Variants in MDN1 observed in about 807,000 individuals in gnomAD.
MDN1 encodes midasin.
Under a neutral mutation model 669.2 loss-of-function variants are expected in MDN1, and 266 were observed. That is an observed-to-expected ratio of 0.40 (90% confidence interval 0.36 to 0.44). The LOEUF (loss-of-function observed/expected upper bound fraction) is 0.44. Ranked by LOEUF, MDN1 falls within the 20% of genes least tolerant of loss-of-function variation. The pLI is 1.00. For missense variants in MDN1, 5,940 were observed against 6,754.0 expected, an observed-to-expected ratio of 0.88 and a Z score of 4.22; for synonymous variants, 2,385 against 2,457.1, an observed-to-expected ratio of 0.97 and a Z score of 0.87.
At chr6:89,725,093 G>A (rs1584271081) in intron 38 of MDN1, 106 bp downstream of exon 38, 1 of 1,009,606 alleles carries the variant, frequency 9.9e-7, no homozygotes, top group East Asian at 2.4e-5. Flanking sequence ...GGATCATTAA[G>A]CTGATCCTCT....
At chr6:89,676,498 C>T (rs972753561) in intron 76 of MDN1, among the ~76,000 whole-genome samples, 4 of 152,190 alleles carry the variant, frequency 2.6e-5, no homozygotes, top group African/African-American at 9.6e-5. Flanking sequence ...AGGGGCCAGG[C>T]AAATAACATA....
At chr6:89,780,641 CTTTT>C (rs575664748) in intron 10 of MDN1, among the ~76,000 whole-genome samples, 10 of 131,212 alleles carry the variant, frequency 7.6e-5, no homozygotes, top group East Asian at 2.2e-4. Context: ...ATGCCATTTC[CTTTT>C]TTTTTTTTTT....
Position 89,747,482 on chromosome 6 carries a change from T to C in MDN1, c.3763-12A>G, listed in dbSNP as rs1469319297. On this transcript the variant is annotated splice_polypyrimidine_tract_variant and intron_variant, in intron 26 of 101. Transcript: ENST00000369393. ...CTTCTGCGATAGGACTGTTGAAGTA[T>C]CAAAACAAATGAAAAGGGGCATCAG... The C allele has an allele frequency of 1.9e-6, 3 of 1,608,396 alleles. No individual in the cohort carries two copies. The highest frequency in any genetic ancestry group is 1.3e-5 in the African/African-American group (1 of 74,640).
chr6:89,732,851 C>A lies in MDN1; in HGVS notation c.4724-76G>T, dbSNP rs991428109. 4.4e-6 allele frequency: 6 copies of A among 1,353,346 alleles called. No individual in the cohort carries two copies. In the African/African-American group the frequency reaches 7.3e-5, roughly 16 times the overall value. The allele number at this position is 1,353,346 out of a possible 1,614,324, so 83.8% of individuals were successfully genotyped here. A position where few individuals can be genotyped will look rare whatever the true frequency, so the allele number is the denominator to read the frequency against. ...ACAAAAGTTCATAACCAGGGGCACA[C>A]AAATGGCCTAAAAGGGGTCTCTGCT... On this transcript the variant is annotated intron_variant, in intron 33 of 101. Coordinates refer to ENST00000369393, the MANE Select transcript of MDN1 (RefSeq NM_014611.3).
At chr6:89,778,530 A>T (rs1267560015) in intron 11 of MDN1, among the ~76,000 whole-genome samples, 1 of 152,038 alleles carries the variant, frequency 6.6e-6, no homozygotes, top group Admixed American at 6.6e-5. Context: ...TTCCTGGGGG[A>T]TTGATTCCAG....
At chr6:89,819,139 G>A (rs1293571154) in intron 1 of MDN1, among the ~76,000 whole-genome samples, 1 of 152,150 alleles carries the variant, frequency 6.6e-6, no homozygotes, top group Admixed American at 6.5e-5. Context: ...GCTGCACTAC[G>A]CACACTTAGG....
At chr6:89,678,563 G>A in intron 75 of MDN1, 36 bp downstream of exon 75, 1 of 1,603,680 alleles carries the variant, frequency 6.2e-7, no homozygotes, top group Non-Finnish European at 8.5e-7. Flanking sequence ...AAAAGTTGGT[G>A]ACTACATTTC....
chr6:89,817,203 G>C (rs564247865), intron 1 of MDN1, among the ~76,000 whole-genome samples: 19 of 152,094 alleles, frequency 1.2e-4, no homozygotes, highest in Non-Finnish European at 2.5e-4. Context: ...GCTGTAGCCC[G>C]ACCACCTTGG....
rs113847924 is a variant in MDN1 at position 89,669,508 on chromosome 6, G to A, written c.13957-1357C>T. On this transcript the variant is annotated intron_variant, in intron 83 of 101. Coordinates refer to ENST00000369393, the MANE Select transcript of MDN1 (RefSeq NM_014611.3). ...CCTCTTTCCAGTATTTCAGAGACTC[G>A]GAACTAAGAACTCTTAATTGTTTAT... is the stretch of plus-strand genomic sequence containing the variant. 4.0e-3 allele frequency among the ~76,000 whole-genome samples: 611 copies of A among 152,076 alleles called. 1 individual carries two copies. Among genetic ancestry groups the A allele is most frequent in the African/African-American group, 0.013 (541 of 41,484 alleles).
Position 89,819,779 on chromosome 6 carries a change from G to A in MDN1, c.-172C>T. 1.7e-6 allele frequency: 1 copy of A among 600,420 alleles called. No individual in the cohort carries two copies. The highest frequency in any genetic ancestry group is 3.0e-6 in the Non-Finnish European group (1 of 337,190). 37.2% of individuals were successfully genotyped at this position (600,420 alleles called of 1,614,324 possible). On this transcript the variant is annotated 5_prime_UTR_variant, in exon 1 of 102. Transcript: ENST00000369393. ...GGGCACCACACGTGGGTGAGCACAC[G>A]GCGTTTGACGTCATCAGCTCGGGAC...
chr6:89,812,825 G>T (rs968919921), intron 1 of MDN1, among the ~76,000 whole-genome samples: 1 of 152,148 alleles, frequency 6.6e-6, no homozygotes, highest in African/African-American at 2.4e-5. Flanking sequence ...TAGGCTGGGT[G>T]CGGTGGCTCC....
In MDN1 at chr6:89,699,477, A is replaced by G. The variant is rs901729094; in HGVS notation, c.8997+124T>C. Reference sequence around the variant, plus strand: ...ATTCTTCCCTTTAAGAGGCAATTCAAAAAAACCTGAGGTTTCCAATATGGA... The same window carrying G: ...ATTCTTCCCTTTAAGAGGCAATTCAGAAAAACCTGAGGTTTCCAATATGGA... On this transcript the variant is annotated intron_variant, in intron 58 of 101. Transcript: ENST00000369393. 5.9e-6 allele frequency: 7 copies of G among 1,178,896 alleles called. No individual in the cohort carries two copies. In the African/African-American group the frequency reaches 1.1e-4, roughly 18 times the overall value. 73.0% of individuals were successfully genotyped at this position (1,178,896 alleles called of 1,614,324 possible).
rs1287483878 is a variant in MDN1, at chr6:89,663,347, T to C, written c.14237-380A>G. 2.0e-5 allele frequency among the ~76,000 whole-genome samples: 3 copies of C among 151,932 alleles called. No individual in the cohort carries two copies. In the East Asian group the frequency reaches 5.8e-4, roughly 29 times the overall value. ...CCCCATCTTCAATATACTGCTATGA[T>C]TTTTTCCAACACCTAAAATCAGGTC... is the stretch of plus-strand genomic sequence containing the variant. On this transcript the variant is annotated intron_variant, in intron 85 of 101. Transcript: ENST00000369393.
chr6:89,680,760 C>T lies in MDN1; in HGVS notation c.12103-9G>A. The T allele has an allele frequency of 1.2e-6, 2 of 1,612,640 alleles. No homozygotes were observed. The highest frequency in any genetic ancestry group is 1.1e-5 in the South Asian group (1 of 90,850). Reference sequence around the variant, plus strand: ...CACTCTGGAATTGTGGCCTGTGAGACAAAAGACAGGTTAGCCTCACTGCCA... The same window carrying T: ...CACTCTGGAATTGTGGCCTGTGAGATAAAAGACAGGTTAGCCTCACTGCCA... On this transcript the variant is annotated splice_polypyrimidine_tract_variant and intron_variant, in intron 73 of 101. Transcript: ENST00000369393.
chr6:89,769,763 C>T (rs1817989343), intron 15 of MDN1, among the ~76,000 whole-genome samples: 1 of 152,202 alleles, frequency 6.6e-6, no homozygotes, highest in Non-Finnish European at 1.5e-5. Context: ...ATTTGCATCA[C>T]AAATGTACTC....
chr6:89,796,324 C>CAAAAAAAAAAAAAAAAAAAAAAAAAAAAA (rs35169575), intron 2 of MDN1, among the ~76,000 whole-genome samples: 1 of 45,390 alleles, frequency 2.2e-5, no homozygotes, highest in Non-Finnish European at 3.5e-5. Flanking sequence ...AACTCTGTCT[C>CAAAAAAAAAAAAAAAAAAAAAAAAAAAAA]AAAAAAAAAA....
intron 1 of MDN1, among the ~76,000 whole-genome samples, chr6:89,818,762 T>C (rs995502904): frequency 1.3e-5 from 2 of 149,696 alleles, no homozygotes; most frequent in Non-Finnish European, 3.0e-5. Flanking sequence ...TAAGCCGAGA[T>C]CGCGCCACTG....
chr6:89,659,635 A>C (rs1809574256), intron 88 of MDN1, among the ~76,000 whole-genome samples: 1 of 152,102 alleles, frequency 6.6e-6, no homozygotes, highest in Non-Finnish European at 1.5e-5. Context: ...TAATCCACCC[A>C]AAAAAACCCC....
chr6:89,761,868 T>C (rs1817567047), intron 16 of MDN1, 120 bp from the exon 17 acceptor site: 3 of 702,946 alleles, frequency 4.3e-6, no homozygotes, highest in African/African-American at 1.8e-5. Flanking sequence ...AAACACTAAG[T>C]CTAAAAACTT....
Sources: gnomAD v4.1 joint callset for allele counts (sites outside exome capture counted in the v4.1 genomes callset) on GRCh38, gnomAD v4.1.1 for gene constraint, MANE v1.5 for transcripts, NCBI Gene and HGNC (gene_info 2026-07-23, HGNC 2026-07-21) for gene names.